Variants in SAMSN1 observed in about 807,000 individuals in gnomAD.
SAMSN1 encodes SAM domain-containing protein SAMSN-1.
SAMSN1 carries 31 observed loss-of-function variants against 42.0 expected under a neutral mutation model. The ratio of observed to expected loss-of-function variants is 0.74; its 90% CI spans 0.55 to 1.00. The LOEUF is 1.00. SAMSN1 is among the 50% of genes least tolerant of loss of function. The pLI, the probability that SAMSN1 is intolerant of heterozygous loss-of-function variation, is 0.00. For missense variants in SAMSN1, 464 were observed against 439.4 expected, an observed-to-expected ratio of 1.06 and a Z score of -0.50; for synonymous variants, 178 against 151.9, an observed-to-expected ratio of 1.17 and a Z score of -1.26.
At chr21:14,616,823 C>T (rs1201540488) in intron 2 of SAMSN1, among the ~76,000 whole-genome samples, 3 of 151,992 alleles carry the variant, frequency 2.0e-5, no homozygotes, top group Non-Finnish European at 4.4e-5. Context: ...AACACAAATG[C>T]TAAGGCTAAA....
intron 1 of SAMSN1, among the ~76,000 whole-genome samples, chr21:14,535,045 G>A (rs1372427135): frequency 6.6e-6 from 1 of 152,136 alleles, no homozygotes; most frequent in African/African-American, 2.4e-5. Context: ...GCTAAGAGAA[G>A]CACAGACAGA....
At chr21:14,539,502 GACAA>G (rs1439117266) in intron 1 of SAMSN1, among the ~76,000 whole-genome samples, 14 of 152,056 alleles carry the variant, frequency 9.2e-5, no homozygotes, top group African/African-American at 2.7e-4. Flanking sequence ...ACCAATAACA[GACAA>G]ACAGAGAGCC....
intron 7 of SAMSN1, among the ~76,000 whole-genome samples, chr21:14,488,802 TC>T (rs1202921423): frequency 3.9e-5 from 6 of 152,340 alleles, no homozygotes; most frequent in Admixed American, 6.5e-5. Flanking sequence ...CTAAATGATT[TC>T]CTCGTGAAAT....
At chr21:14,544,379 C>A (rs1980252754) in intron 1 of SAMSN1, among the ~76,000 whole-genome samples, 1 of 151,992 alleles carries the variant, frequency 6.6e-6, no homozygotes, top group Non-Finnish European at 1.5e-5. Context: ...ATATAATATG[C>A]AAAGAAAATT....
intron 6 of SAMSN1, among the ~76,000 whole-genome samples, 194 bp from the exon 7 acceptor site, chr21:14,498,786 G>A (rs908493806): frequency 7.9e-5 from 12 of 152,120 alleles, no homozygotes; most frequent in South Asian, 4.1e-4. Context: ...TATAATTCTC[G>A]CCTTTTGGAA....
chr21:14,621,568 G>T (rs1267370245), intron 2 of SAMSN1, among the ~76,000 whole-genome samples: 3 of 152,198 alleles, frequency 2.0e-5, no homozygotes, highest in African/African-American at 7.2e-5. Context: ...GTCTGAGATC[G>T]AACTGCAAGG....
At chr21:14,646,912 A>C (rs965153305) in intron 1 of SAMSN1, among the ~76,000 whole-genome samples, 1 of 152,216 alleles carries the variant, frequency 6.6e-6, no homozygotes, top group African/African-American at 2.4e-5. Context: ...AAAAACATAC[A>C]ATGAATATAC....
chr21:14,517,647 C>A (rs1008661368), intron 2 of SAMSN1, among the ~76,000 whole-genome samples: 2 of 152,048 alleles, frequency 1.3e-5, no homozygotes, highest in Non-Finnish European at 2.9e-5. Flanking sequence ...GTACAGAAAT[C>A]TTCATGTAAT....
chr21:14,504,135 GA>G (rs532480042), intron 5 of SAMSN1, among the ~76,000 whole-genome samples: 38 of 152,236 alleles, frequency 2.5e-4, no homozygotes, highest in African/African-American at 8.7e-4. Context: ...CCCTCTGACA[GA>G]AACTACCCAA....
intron 3 of SAMSN1, among the ~76,000 whole-genome samples, chr21:14,514,902 T>G (rs6516844): frequency 2.0e-5 from 3 of 152,042 alleles, no homozygotes. Context: ...GATATAGTTG[T>G]GAAAAACAAA....
chr21:14,528,402 C>T (rs1386147763), intron 1 of SAMSN1, among the ~76,000 whole-genome samples: 1 of 152,110 alleles, frequency 6.6e-6, no homozygotes, highest in African/African-American at 2.4e-5. Context: ...CCCCAGGGAA[C>T]CCAGTTTTAT....
At chr21:14,583,924 C>T, upstream of SAMSN1, 1 of 544,002 alleles carries the variant, frequency 1.8e-6, no homozygotes, top group Middle Eastern at 3.3e-4. Flanking sequence ...CTTGAAAGCA[C>T]ACCATACTTT....
chr21:14,518,642 C>T lies in SAMSN1; in HGVS notation c.130-1601G>A, dbSNP rs556028245. Among the ~76,000 whole-genome samples, 7 of 152,192 alleles carry T rather than the reference C, an allele frequency of 4.6e-5. No homozygotes were observed. The South Asian group carries it at 1.5e-3, about 32-fold the overall frequency. On this transcript the variant is annotated intron_variant, in intron 2 of 7. Coordinates refer to ENST00000400566, the MANE Select transcript of SAMSN1 (RefSeq NM_022136.5). ...TGAATATTTTAATATAAAAGTTTAA[C>T]CACATAGTTAACATCATTATTAATC...
chr21:14,554,698 CTTT>C (rs34880996), intron 2 of SAMSN1, among the ~76,000 whole-genome samples: 10 of 130,504 alleles, frequency 7.7e-5, no homozygotes, highest in Admixed American at 1.6e-4. Flanking sequence ...TTTTCTTTTT[CTTT>C]TTTTTTTTTT....
Position 14,493,635 on chromosome 21 carries a change from T to C in SAMSN1, c.919+4807A>G, listed in dbSNP as rs191921947. Among the ~76,000 whole-genome samples the C allele has an allele frequency of 2.2e-4, 34 of 152,132 alleles. No individual in the cohort carries two copies. In the East Asian group the frequency reaches 6.2e-3, roughly 28 times the overall value. On this transcript the variant is annotated intron_variant, in intron 7 of 7. Transcript: ENST00000400566. ...CACATATTTTCTGTTCTCTTTTTTA[T>C]TTGGGAATATTGACTTCCAAAGTAA... is the stretch of plus-strand genomic sequence containing the variant.
At chr21:14,508,240 T>TA (rs537506756) in intron 5 of SAMSN1, among the ~76,000 whole-genome samples, 1 of 152,042 alleles carries the variant, frequency 6.6e-6, no homozygotes, top group South Asian at 2.1e-4. Context: ...TTTTGCATGG[T>TA]AAAAGAAACA....
intron 2 of SAMSN1, among the ~76,000 whole-genome samples, chr21:14,569,984 T>TCCC (rs5842490): frequency 2.9e-4 from 43 of 149,764 alleles, no homozygotes; most frequent in African/African-American, 1.0e-3. Flanking sequence ...TTAACCACTT[T>TCCC]CCCCCCCCCC....
upstream of SAMSN1, among the ~76,000 whole-genome samples, chr21:14,550,699 G>A (rs369450511): frequency 2.0e-5 from 3 of 152,046 alleles, no homozygotes; most frequent in African/African-American, 7.2e-5. Flanking sequence ...TAAATAATTA[G>A]GAAGGTTAGG....
intron 7 of SAMSN1, chr21:14,495,939 C>T (rs1289877076): frequency 6.6e-6 from 1 of 151,792 alleles, no homozygotes; most frequent in Non-Finnish European, 1.5e-5. Context: ...ATAATTTTAC[C>T]ATCTATGAAT....
Sources: gnomAD v4.1 joint callset for allele counts (sites outside exome capture counted in the v4.1 genomes callset) on GRCh38, gnomAD v4.1.1 for gene constraint, MANE v1.5 for transcripts, NCBI Gene and HGNC (gene_info 2026-07-23, HGNC 2026-07-21) for gene names.